NCOA1: variants seen among roughly 807,000 people sequenced by gnomAD.
The protein encoded by NCOA1 is Hin-2 protein.
A neutral mutation model predicts 150.9 loss-of-function variants in NCOA1; 35 were observed. That is an observed-to-expected ratio of 0.23 (90% CI 0.18 to 0.31). The LOEUF is 0.31. Among genes scored for constraint, NCOA1 ranks in the 10% least tolerant of loss-of-function variants. The pLI is 1.00. For missense variants in NCOA1, 1,491 were observed against 1,749.3 expected (o/e 0.85, Z 2.63); for synonymous variants, 590 against 630.0 (o/e 0.94, Z 0.95).
At chr2:24,576,170 G>GTTTTTGTTTTTTTTTTTTTTTTTT (rs1666967476) in intron 2 of NCOA1, among the ~76,000 whole-genome samples, 12 of 46,318 alleles carry the variant, frequency 2.6e-4, no homozygotes, top group African/African-American at 7.6e-4. Flanking sequence ...TTTGTTTTTT[G>GTTTTTGTTTTTTTTTTTTTTTTTT]TTTTTTTTTT....
At chr2:24,753,194 C>T (rs551309663) in intron 20 of NCOA1, among the ~76,000 whole-genome samples, 1 of 152,246 alleles carries the variant, frequency 6.6e-6, no homozygotes, top group Non-Finnish European at 1.5e-5. Flanking sequence ...ATCCCAACTT[C>T]CTAAACTCAC....
chr2:24,516,979 T>C (rs1409506491), intron 1 of NCOA1, among the ~76,000 whole-genome samples: 24 of 53,272 alleles, frequency 4.5e-4, no homozygotes, highest in African/African-American at 8.6e-4. Context: ...TATATACACA[T>C]ATACGTATAT....
Position 24,729,650 on chromosome 2 carries a change from C to T in NCOA1, c.3036C>T (p.Val1012=). 6.2e-7 allele frequency: 1 copy of T among 1,614,156 alleles called. No individual in the cohort carries two copies. Among genetic ancestry groups the T allele is most frequent in the Non-Finnish European group, 8.5e-7 (1 of 1,180,024 alleles). ...ANLPSPFQGM[V]RQKPSLGTMP... Reference sequence around the variant, plus strand: ...TCCCTAGCCCTTTCCAAGGCATGGTCAGGCAAAAACCTTCACTGGGGACGA... The same window carrying T: ...TCCCTAGCCCTTTCCAAGGCATGGTTAGGCAAAAACCTTCACTGGGGACGA... Residue 1012 remains valine (V), a synonymous_variant, in exon 17 of 23, where the codon GTC becomes GTT. Coordinates refer to ENST00000348332, the MANE Select transcript of NCOA1 (RefSeq NM_003743.5).
intron 1 of NCOA1, among the ~76,000 whole-genome samples, chr2:24,533,618 T>C (rs530170413): frequency 1.3e-5 from 2 of 152,278 alleles, no homozygotes; most frequent in South Asian, 4.1e-4. Flanking sequence ...TGAGATATGT[T>C]CCATCAATAC....
At position 24,611,441 on chromosome 2, in the gene NCOA1, T is replaced by C. The variant is rs56376180; in HGVS notation, c.-175+26881T>C. On this transcript the variant is annotated intron_variant, in intron 3 of 22. Coordinates refer to ENST00000348332, the MANE Select transcript of NCOA1 (RefSeq NM_003743.5). The stretch of plus-strand genomic sequence containing the variant: ...TGTGTCTTTTTGGCATAACAATTTA[T>C]ATTCTTTTGGATATGTACCTAGTAT... Among the ~76,000 whole-genome samples, 245 of 152,314 alleles carry C rather than the reference T, an allele frequency of 1.6e-3. 1 individual carries two copies. The highest frequency in any genetic ancestry group is 5.7e-3 in the African/African-American group (235 of 41,560).
chr2:24,656,149 GAGAGA>G (rs1238208899), intron 4 of NCOA1, among the ~76,000 whole-genome samples: 1 of 151,094 alleles, frequency 6.6e-6, no homozygotes, highest in East Asian at 1.9e-4. Context: ...TGCAGGATAT[GAGAGA>G]AGAGGCTAGA....
At chr2:24,537,842 A>G (rs1226304880) in intron 1 of NCOA1, among the ~76,000 whole-genome samples, 1 of 152,160 alleles carries the variant, frequency 6.6e-6, no homozygotes, top group East Asian at 1.9e-4. Context: ...TGTAAATCTC[A>G]AATATATACA....
intron 3 of NCOA1, among the ~76,000 whole-genome samples, chr2:24,641,781 A>G (rs1168322685): frequency 6.6e-6 from 1 of 152,034 alleles, no homozygotes; most frequent in Non-Finnish European, 1.5e-5. Flanking sequence ...AGCTAGTTTC[A>G]AAATTTTGTC....
intron 21 of NCOA1, among the ~76,000 whole-genome samples, chr2:24,761,292 G>A (rs886611107): frequency 1.3e-5 from 2 of 152,206 alleles, no homozygotes; most frequent in African/African-American, 2.4e-5. Flanking sequence ...GGGCTTTCGA[G>A]CACTGGGATG....
At chr2:24,720,788 G>T (rs557731884) in intron 14 of NCOA1, among the ~76,000 whole-genome samples, 3 of 152,160 alleles carry the variant, frequency 2.0e-5, no homozygotes, top group African/African-American at 7.2e-5. Context: ...CTAATTCTCT[G>T]CCCCACTCTT....
At chr2:24,749,577 C>A (rs1558337710) in intron 19 of NCOA1, among the ~76,000 whole-genome samples, 1 of 152,180 alleles carries the variant, frequency 6.6e-6, no homozygotes, top group Non-Finnish European at 1.5e-5. Flanking sequence ...GTAGAACACT[C>A]AGAGATGGTT....
chr2:24,698,253 C>T (rs1672992087), intron 11 of NCOA1, among the ~76,000 whole-genome samples: 2 of 152,052 alleles, frequency 1.3e-5, no homozygotes, highest in Admixed American at 6.6e-5. Context: ...TCAAGGATGA[C>T]TTCAGAAAAG....
chr2:24,737,099 CTA>C (rs1663350127), intron 17 of NCOA1, among the ~76,000 whole-genome samples: 1 of 152,296 alleles, frequency 6.6e-6, no homozygotes, highest in African/African-American at 2.4e-5. Flanking sequence ...TGTCTAAGGA[CTA>C]ACAACTAATC....
intron 3 of NCOA1, among the ~76,000 whole-genome samples, chr2:24,614,145 A>G (rs1053027029): frequency 1.7e-5 from 2 of 119,986 alleles, no homozygotes; most frequent in Non-Finnish European, 3.5e-5. Context: ...CCCCAGGAGT[A>G]TCTGGAAGCT....
intron 8 of NCOA1, among the ~76,000 whole-genome samples, chr2:24,690,828 T>G (rs971267073): frequency 1.3e-5 from 2 of 152,082 alleles, no homozygotes; most frequent in Non-Finnish European, 2.9e-5. Flanking sequence ...CTGGATCAGG[T>G]AACATTTATT....
At chr2:24,629,813 C>CACATATATATATAT (rs1669608374) in intron 3 of NCOA1, among the ~76,000 whole-genome samples, 1 of 77,348 alleles carries the variant, frequency 1.3e-5, no homozygotes, top group South Asian at 4.7e-4. Flanking sequence ...AAGTAACATA[C>CACATATATATATAT]ATACATATAT....
At chr2:24,524,909 C>T (rs1185665139) in intron 1 of NCOA1, among the ~76,000 whole-genome samples, 1 of 152,156 alleles carries the variant, frequency 6.6e-6, no homozygotes, top group Non-Finnish European at 1.5e-5. Context: ...TGCACCCAGC[C>T]TACTTCATAT....
chr2:24,515,014 A>G (rs998590691), intron 1 of NCOA1, among the ~76,000 whole-genome samples: 3 of 152,188 alleles, frequency 2.0e-5, no homozygotes, highest in Admixed American at 6.5e-5. Context: ...GTGCTTATCA[A>G]TCTGTGACCT....
chr2:24,503,960 C>G (rs966157394), intron 1 of NCOA1, among the ~76,000 whole-genome samples: 7 of 152,082 alleles, frequency 4.6e-5, no homozygotes, highest in Non-Finnish European at 7.4e-5. Flanking sequence ...GTCTTGAACT[C>G]CTGACCTCAG....
Sources: gnomAD v4.1 joint callset for allele counts (sites outside exome capture counted in the v4.1 genomes callset) on GRCh38, gnomAD v4.1.1 for gene constraint, MANE v1.5 for transcripts, NCBI Gene and HGNC (gene_info 2026-07-23, HGNC 2026-07-21) for gene names.